The following ATG4C variants were observed in gnomAD, a reference collection of about 807,000 sequenced individuals.
ATG4C encodes the protein autophagy related 4C cysteine peptidase.
In ATG4C, 56 loss-of-function variants were observed where a neutral mutation model predicts 57.6. That is an observed-to-expected ratio of 0.97 (90% CI 0.78 to 1.21). The LOEUF (loss-of-function observed/expected upper bound fraction) is 1.21. Among genes scored for constraint, ATG4C ranks in the 50% most tolerant of loss-of-function variants. The pLI, the probability that ATG4C is intolerant of heterozygous loss-of-function variation, is 0.00. For missense variants in ATG4C, 595 were observed against 529.8 expected, an observed-to-expected ratio of 1.12 and a Z score of -1.21; for synonymous variants, 157 against 174.1, an observed-to-expected ratio of 0.90 and a Z score of 0.78.
At chr1:62,788,968 A>G (rs1241269389) in intron 1 of ATG4C, among the ~76,000 whole-genome samples, 5 of 151,860 alleles carry the variant, frequency 3.3e-5, no homozygotes, top group Admixed American at 6.6e-5. Flanking sequence ...ATTATTGGTG[A>G]TTAAGTTTGA....
chr1:62,826,599 CT>C (rs143421964), intron 6 of ATG4C, among the ~76,000 whole-genome samples: 34,123 of 147,050 alleles, frequency 0.23, 5,000 homozygotes, highest in African/African-American at 0.42. Flanking sequence ...TTTTTTCTTT[CT>C]TTTTTTTTTT....
At chr1:62,859,808 C>G (rs767537749) in intron 10 of ATG4C, among the ~76,000 whole-genome samples, 1 of 152,082 alleles carries the variant, frequency 6.6e-6, no homozygotes, top group Non-Finnish European at 1.5e-5. Flanking sequence ...CAATTCTCTG[C>G]CTCAGCCTCC....
In ATG4C at chr1:62,857,781, T is replaced by C. The variant is rs1666730780; in HGVS notation, c.1210-6211T>C. 2.0e-5 allele frequency among the ~76,000 whole-genome samples: 3 copies of C among 152,230 alleles called. No homozygotes were observed. In the South Asian group the frequency reaches 6.2e-4, roughly 31 times the overall value. ...AATGGTGTACAAACACCATTGGTTA[T>C]CTGTTCAATACTCATCCCTCTTTCT... is the stretch of plus-strand genomic sequence containing the variant. On this transcript the variant is annotated intron_variant, in intron 10 of 10. Coordinates refer to ENST00000317868, the MANE Select transcript of ATG4C (RefSeq NM_032852.4).
rs1451010597 is a variant in ATG4C, at chr1:62,784,191, G to A, written c.-151G>A. ...GTCTGCGTGTGTGCGGGCTGGTTTTGTGGCGGCTGCTGCTAGAGCTGGAGC... is the reference window on the plus strand; with the variant it reads ...GTCTGCGTGTGTGCGGGCTGGTTTTATGGCGGCTGCTGCTAGAGCTGGAGC... On this transcript the variant is annotated 5_prime_UTR_variant, in exon 1 of 11. In the 5' UTR this introduces an upstream ATG that the reference lacks. Coordinates refer to ENST00000317868, the MANE Select transcript of ATG4C (RefSeq NM_032852.4). 1 of 153,192 alleles carries A rather than the reference G, an allele frequency of 6.5e-6. No individual in the cohort carries two copies. Among genetic ancestry groups the A allele is most frequent in the African/African-American group, 2.4e-5 (1 of 41,468 alleles). The allele number at this position is 153,192 out of a possible 1,614,324, so 9.5% of individuals were successfully genotyped here. A position where few individuals can be genotyped will look rare whatever the true frequency, so the allele number is the denominator to read the frequency against.
chr1:62,836,026 A>G (rs2100339455), intron 9 of ATG4C, among the ~76,000 whole-genome samples: 1 of 152,192 alleles, frequency 6.6e-6, no homozygotes, highest in Admixed American at 6.6e-5. Context: ...TTTTAGTATT[A>G]CCTAAATAAG....
intron 10 of ATG4C, among the ~76,000 whole-genome samples, chr1:62,862,809 A>G (rs1449888779): frequency 6.6e-6 from 1 of 152,058 alleles, no homozygotes; most frequent in Non-Finnish European, 1.5e-5. Context: ...AAGAGAATCT[A>G]TAAATGTAAT....
chr1:62,805,941 T>C (rs1237457998), intron 3 of ATG4C, among the ~76,000 whole-genome samples: 2 of 152,176 alleles, frequency 1.3e-5, no homozygotes, highest in Non-Finnish European at 2.9e-5. Flanking sequence ...GTTTTGTGTT[T>C]TGTGTGTGAG....
At chr1:62,842,277 G>C (rs72917293) in intron 10 of ATG4C, among the ~76,000 whole-genome samples, 1 of 150,130 alleles carries the variant, frequency 6.7e-6, no homozygotes, top group South Asian at 2.1e-4. Flanking sequence ...TGGTATGTAA[G>C]ACCAATACTC....
chr1:62,852,705 G>A (rs1198745303), intron 10 of ATG4C, among the ~76,000 whole-genome samples: 1 of 150,092 alleles, frequency 6.7e-6, no homozygotes, highest in Non-Finnish European at 1.5e-5. Context: ...CTTAGAGTTA[G>A]TACTCCTTTC....
intron 10 of ATG4C, among the ~76,000 whole-genome samples, chr1:62,850,041 T>C (rs1292226784): frequency 6.6e-6 from 1 of 152,186 alleles, no homozygotes; most frequent in African/African-American, 2.4e-5. Context: ...GACATGAGAT[T>C]AAAGTTTTAT....
chr1:62,825,549 A>T (rs959641370), intron 6 of ATG4C, among the ~76,000 whole-genome samples: 1 of 152,046 alleles, frequency 6.6e-6, no homozygotes, highest in Non-Finnish European at 1.5e-5. Flanking sequence ...ACTTCATCTC[A>T]TCTTTTTTTC....
chr1:62,838,495 TG>T (rs1666065456), intron 9 of ATG4C, among the ~76,000 whole-genome samples: 1 of 152,090 alleles, frequency 6.6e-6, no homozygotes, highest in Non-Finnish European at 1.5e-5. Flanking sequence ...ATGATATGAA[TG>T]GCCAGGCATG....
At chr1:62,813,290 G>T (rs751069931) in intron 3 of ATG4C, among the ~76,000 whole-genome samples, 2 of 151,976 alleles carry the variant, frequency 1.3e-5, no homozygotes, top group African/African-American at 4.8e-5. Flanking sequence ...CTCAGAAATA[G>T]CACCACACAT....
intron 10 of ATG4C, among the ~76,000 whole-genome samples, chr1:62,852,478 A>G (rs1435370037): frequency 6.6e-6 from 1 of 152,098 alleles, no homozygotes; most frequent in Non-Finnish European, 1.5e-5. Context: ...TCCACTGTAG[A>G]CATTCTTTGT....
chr1:62,795,303 A>C (rs956301820), intron 1 of ATG4C, among the ~76,000 whole-genome samples: 6 of 152,166 alleles, frequency 3.9e-5, no homozygotes, highest in Non-Finnish European at 7.3e-5. Flanking sequence ...TACATTTATC[A>C]GTTTACAGTT....
At chr1:62,818,098 A>G (rs1402688544) in intron 4 of ATG4C, among the ~76,000 whole-genome samples, 3 of 152,156 alleles carry the variant, frequency 2.0e-5, no homozygotes, top group Non-Finnish European at 4.4e-5. Context: ...TTAAAATTAC[A>G]TGCATGTTTG....
chr1:62,830,214 T>C (rs958823435), intron 7 of ATG4C, among the ~76,000 whole-genome samples: 2 of 152,160 alleles, frequency 1.3e-5, no homozygotes, highest in African/African-American at 4.8e-5. Flanking sequence ...CAATGACATA[T>C]TAATCTTCCA....
rs1007707871 is a variant in ATG4C, at chr1:62,864,943, A to T, written c.*784A>T. ...TTATTATGCAGTTTTTAAGTTTAAAATACCAAGAAAGATGTCACTAGATTC... is the reference window on the plus strand; with the variant it reads ...TTATTATGCAGTTTTTAAGTTTAAATTACCAAGAAAGATGTCACTAGATTC... On this transcript the variant is annotated 3_prime_UTR_variant, in exon 11 of 11. Coordinates refer to ENST00000317868, the MANE Select transcript of ATG4C (RefSeq NM_032852.4). 10 of 151,906 alleles carry T rather than the reference A, an allele frequency of 6.6e-5. No individual in the cohort carries two copies. The allele number at this position is 151,906 out of a possible 1,614,324, so 9.4% of individuals were successfully genotyped here. A position where few individuals can be genotyped will look rare whatever the true frequency, so the allele number is the denominator to read the frequency against.
intron 7 of ATG4C, among the ~76,000 whole-genome samples, chr1:62,831,224 T>C (rs957506791): frequency 1.3e-5 from 2 of 152,140 alleles, no homozygotes; most frequent in Admixed American, 6.6e-5. Flanking sequence ...ATAGGTATTA[T>C]GTTTGGCCAG....
Sources: gnomAD v4.1 joint callset for allele counts (sites outside exome capture counted in the v4.1 genomes callset) on GRCh38, gnomAD v4.1.1 for gene constraint, MANE v1.5 for transcripts, NCBI Gene and HGNC (gene_info 2026-07-23, HGNC 2026-07-21) for gene names.